Variants in SMG6 observed in about 807,000 individuals in gnomAD.
SMG6 encodes telomerase-binding protein EST1A.
SMG6 carries 66 observed loss-of-function variants against 142.2 expected under a neutral mutation model. The ratio of observed to expected loss-of-function variants is 0.46; its 90% CI spans 0.38 to 0.57. The LOEUF is 0.57. SMG6 is among the 20% of genes least tolerant of loss of function. The pLI is 0.00. For missense variants in SMG6, 1,793 were observed against 1,832.0 expected (o/e 0.98, Z 0.39); for synonymous variants, 779 against 702.4 (o/e 1.11, Z -1.72).
intron 13 of SMG6, among the ~76,000 whole-genome samples, chr17:2,150,375 A>C (rs1404517082): frequency 1.3e-5 from 2 of 152,234 alleles, no homozygotes; most frequent in South Asian, 2.1e-4. Context: ...CCACCGGTCT[A>C]GAGTATCAAG....
At chr17:2,178,329 T>C (rs2071707466) in intron 12 of SMG6, among the ~76,000 whole-genome samples, 1 of 152,152 alleles carries the variant, frequency 6.6e-6, no homozygotes, top group Non-Finnish European at 1.5e-5. Context: ...GGAGTTAAGA[T>C]ATGAGCAGCA....
intron 10 of SMG6, among the ~76,000 whole-genome samples, chr17:2,193,985 T>C (rs2072242867): frequency 6.6e-6 from 1 of 152,160 alleles, no homozygotes; most frequent in Non-Finnish European, 1.5e-5. Context: ...CACGCACAGT[T>C]TCACCATGTT....
At position 2,087,928 on chromosome 17, in the gene SMG6, G is replaced by C. The variant is rs988406062; in HGVS notation, c.3358-2027C>G. The C allele has an allele frequency of 6.1e-6, 6 of 985,698 alleles. No homozygotes were observed. The African/African-American group carries it at 1.0e-4, about 17-fold the overall frequency. The allele number at this position is 985,698 out of a possible 1,614,324, so 61.1% of individuals were successfully genotyped here. A position where few individuals can be genotyped will look rare whatever the true frequency, so the allele number is the denominator to read the frequency against. On this transcript the variant is annotated intron_variant, in intron 13 of 18. Transcript: ENST00000263073. ...GCCACCTGACCCCACTATGACCTCT[G>C]ACCTTACGCCCCAGCTACTGCTTGC...
intron 8 of SMG6, among the ~76,000 whole-genome samples, chr17:2,271,843 T>A (rs930261147): frequency 1.3e-5 from 2 of 152,234 alleles, no homozygotes; most frequent in African/African-American, 4.8e-5. Flanking sequence ...GACACTAGCA[T>A]GTTTGAGTTC....
intron 15 of SMG6, among the ~76,000 whole-genome samples, chr17:2,074,027 C>A (rs536150197): frequency 6.6e-6 from 1 of 152,072 alleles, no homozygotes; most frequent in African/African-American, 2.4e-5. Flanking sequence ...TACAGTGAGC[C>A]GAGACCATGC....
chr17:2,237,076 CA>C (rs769431174), intron 9 of SMG6: 3,786 of 143,572 alleles, frequency 0.026, 143 homozygotes, highest in East Asian at 0.16. Context: ...TGAATCTAAA[CA>C]AAAAAAAAAA....
At chr17:2,275,844 C>G (rs1311582295) in intron 8 of SMG6, among the ~76,000 whole-genome samples, 2 of 152,150 alleles carry the variant, frequency 1.3e-5, no homozygotes, top group Admixed American at 6.6e-5. Flanking sequence ...CAATCCCTCC[C>G]CAGGCTGGAT....
chr17:2,124,727 C>A (rs1312215995), intron 13 of SMG6, among the ~76,000 whole-genome samples: 3 of 152,202 alleles, frequency 2.0e-5, no homozygotes, highest in Non-Finnish European at 4.4e-5. Flanking sequence ...GGACACAGGT[C>A]TTCCGCATCC....
In SMG6 at chr17:2,303,622, G is replaced by T; in HGVS notation, c.88+11C>A. 6.9e-7 allele frequency: 1 copy of T among 1,448,320 alleles called. No homozygotes were observed. The highest frequency in any genetic ancestry group is 1.3e-5 in the South Asian group (1 of 74,932). The allele number at this position is 1,448,320 out of a possible 1,614,324, so 89.7% of individuals were successfully genotyped here. Reference sequence around the variant, plus strand: ...GCAGGCCCGGCCCAGGAGCTGGGCGGCGCGACTCACCTCTGCTCCCGGCCT... The same window carrying T: ...GCAGGCCCGGCCCAGGAGCTGGGCGTCGCGACTCACCTCTGCTCCCGGCCT... On this transcript the variant is annotated intron_variant, in intron 1 of 18. Coordinates refer to ENST00000263073, the MANE Select transcript of SMG6 (RefSeq NM_017575.5).
chr17:2,300,469 T>G lies in SMG6; in HGVS notation c.284A>C (p.Lys95Thr). Residue 95 changes from lysine to threonine, a missense_variant, in exon 2 of 19, where the codon AAA becomes ACA. This residue lies in a region of SMG6 where 1,597 missense variants were observed against 1,584.6 expected (regional missense o/e 1.01). Transcript: ENST00000263073. The stretch of plus-strand genomic sequence containing the variant: ...GTTGTTCAGTTCCTTGCAGACATCT[T>G]TAACGGGCTGTGTACCATTTTCAAC... ...SAVENGTQPV[K>T]DVCKELNNQE... 1 of 1,614,194 alleles carries G rather than the reference T, an allele frequency of 6.2e-7. No individual in the cohort carries two copies. The highest frequency in any genetic ancestry group is 8.5e-7 in the Non-Finnish European group (1 of 1,180,022).
intron 15 of SMG6, among the ~76,000 whole-genome samples, chr17:2,079,430 T>C (rs2068348631): frequency 6.6e-6 from 1 of 151,950 alleles, no homozygotes; most frequent in South Asian, 2.1e-4. Context: ...GTCAAGAGAT[T>C]GAGACCATCC....
At position 2,255,383 on chromosome 17, in the gene SMG6, G is replaced by A. The variant is rs1288597788; in HGVS notation, c.2662-10664C>T. The stretch of plus-strand genomic sequence containing the variant: ...CGCGCCACTGCACTCCAGCCTGGGC[G>A]ACAGAGCGAGACTCCGTCTCAAAAA... On this transcript the variant is annotated intron_variant, in intron 8 of 18. Transcript: ENST00000263073. 1.1e-4 allele frequency among the ~76,000 whole-genome samples: 14 copies of A among 122,314 alleles called. No individual in the cohort carries two copies. In the East Asian group the frequency reaches 1.2e-3, roughly 11 times the overall value. The allele number at this position is 122,314 out of a possible 152,430, so 80.2% of individuals were successfully genotyped here. A position where few individuals can be genotyped will look rare whatever the true frequency, so the allele number is the denominator to read the frequency against.
intron 18 of SMG6, chr17:2,062,502 T>TA (rs2067812687): frequency 2.1e-5 from 1 of 47,618 alleles, no homozygotes; most frequent in Non-Finnish European, 5.8e-5. Flanking sequence ...TTTAGATGAC[T>TA]TTTTTTTTTT....
At chr17:2,121,983 G>A (rs988305409) in intron 13 of SMG6, among the ~76,000 whole-genome samples, 23 of 152,122 alleles carry the variant, frequency 1.5e-4, no homozygotes, top group African/African-American at 4.8e-4. Flanking sequence ...ATAGGTGCCC[G>A]TCACCACATC....
At chr17:2,105,589 C>T (rs935602014) in intron 13 of SMG6, among the ~76,000 whole-genome samples, 1 of 152,112 alleles carries the variant, frequency 6.6e-6, no homozygotes, top group African/African-American at 2.4e-5. Context: ...CCAGACTCAG[C>T]AGTAGCCTAA....
intron 8 of SMG6, among the ~76,000 whole-genome samples, chr17:2,277,450 G>GC (rs1221308344): frequency 6.6e-6 from 1 of 152,020 alleles, no homozygotes; most frequent in African/African-American, 2.4e-5. Context: ...ACAGGCGTAA[G>GC]CACCACGCCC....
intron 13 of SMG6, among the ~76,000 whole-genome samples, chr17:2,157,808 A>G (rs1007466728): frequency 1.1e-4 from 17 of 152,310 alleles, no homozygotes; most frequent in African/African-American, 4.1e-4. Context: ...AGTACTAAGC[A>G]ATCAGGGAAT....
At chr17:2,109,469 G>C (rs2069248813) in intron 13 of SMG6, among the ~76,000 whole-genome samples, 1 of 152,110 alleles carries the variant, frequency 6.6e-6, no homozygotes, top group Admixed American at 6.6e-5. Context: ...TCGCCATGTT[G>C]GCCAGCCTGG....
chr17:2,198,003 T>C (rs2072384831), intron 10 of SMG6, among the ~76,000 whole-genome samples: 1 of 152,224 alleles, frequency 6.6e-6, no homozygotes, highest in African/African-American at 2.4e-5. Context: ...AAATGAAAAC[T>C]TACGTTTAGA....
Sources: allele counts gnomAD v4.1 joint callset (sites outside exome capture counted in the v4.1 genomes callset), GRCh38; gene constraint gnomAD v4.1.1; regional missense constraint gnomAD v4.1.1; transcripts MANE v1.5; gene names NCBI Gene and HGNC (gene_info 2026-07-23, HGNC 2026-07-21).